Variants in LAP3 observed in about 807,000 individuals in gnomAD.
LAP3 encodes the protein leucine aminopeptidase 3.
LAP3 carries 46 observed loss-of-function variants against 58.8 expected under a neutral mutation model. The observed-to-expected ratio is 0.78, with a 90% CI of 0.62 to 1.00. The LOEUF (loss-of-function observed/expected upper bound fraction) is 1.00. LAP3 is among the 50% of genes least tolerant of loss of function. The probability of loss-of-function intolerance (pLI) is 0.00; values close to 1 mark genes in which losing one functional copy is unlikely to be tolerated. For synonymous variants in LAP3, 257 were observed against 237.7 expected (o/e 1.08, Z -0.75); for missense variants, 615 against 659.1 (o/e 0.93, Z 0.73).
At chr4:17,604,703 T>A (rs780863391) in intron 11 of LAP3, 36 bp downstream of exon 11, 3 of 1,432,852 alleles carry the variant, frequency 2.1e-6, no homozygotes, top group Non-Finnish European at 3.0e-6. Context: ...ATTGTAGAGA[T>A]GGTGAATAAA....
chr4:17,588,810 A>T lies in LAP3; in HGVS notation c.705-9A>T. The stretch of plus-strand genomic sequence containing the variant: ...GTATATTTACTTTTTCCCTCTTTCT[A>T]CCCTATAGACCCAAGTCTTGGATTG... On this transcript the variant is annotated splice_polypyrimidine_tract_variant and intron_variant, in intron 6 of 12. Coordinates refer to ENST00000226299, the MANE Select transcript of LAP3 (RefSeq NM_015907.3). The T allele has an allele frequency of 6.2e-7, 1 of 1,606,948 alleles. No homozygotes were observed. Among genetic ancestry groups the T allele is most frequent in the Admixed American group, 1.7e-5 (1 of 58,586 alleles).
rs1323299202 is a variant in LAP3 at position 17,582,217 on chromosome 4, TGTA to T, written c.274-69_274-67del. ...TGTGGGAGCTCAGTGAGTCTCCACA[TGTA>T]GAATTCCTTGCTGGAAATGAATGCT... On this transcript the variant is annotated intron_variant, in intron 3 of 12. Coordinates refer to ENST00000226299, the MANE Select transcript of LAP3 (RefSeq NM_015907.3). 14 of 1,233,796 alleles carry T rather than the reference TGTA, an allele frequency of 1.1e-5. No individual in the cohort carries two copies. The African/African-American group carries it at 1.5e-4, about 13-fold the overall frequency. 76.4% of individuals were successfully genotyped at this position (1,233,796 alleles called of 1,614,324 possible).
In LAP3 at chr4:17,582,315, C is replaced by T. The variant is rs1577218753; in HGVS notation, c.301C>T (p.Leu101Phe). ...QDFPSVVLVG[L>F]GKKAAGIDEQ... ...CTTCCCCAGCGTGGTGCTAGTTGGC[C>T]TCGGCAAAAAGGCAGCTGGAATCGA... is the stretch of plus-strand genomic sequence containing the variant. The change falls in exon 4 of 13, where the codon CTC (leucine) becomes TTC (phenylalanine). Residue 101 changes from leucine to phenylalanine, a missense_variant. Coordinates refer to ENST00000226299, the MANE Select transcript of LAP3 (RefSeq NM_015907.3). The T allele has an allele frequency of 1.4e-5, 22 of 1,614,100 alleles. No individual in the cohort carries two copies. In the East Asian group the frequency reaches 4.9e-4, roughly 36 times the overall value.
At chr4:17,583,282 C>A in intron 4 of LAP3, 1 of 611,692 alleles carries the variant, frequency 1.6e-6, no homozygotes, top group Non-Finnish European at 2.9e-6. Flanking sequence ...TCACCACCAC[C>A]TGGGAGTGAG....
intron 1 of LAP3, among the ~76,000 whole-genome samples, chr4:17,579,080 G>A (rs1699734902): frequency 1.3e-5 from 2 of 152,214 alleles, no homozygotes; most frequent in African/African-American, 4.8e-5. Flanking sequence ...GTCTGCAAGA[G>A]GAAAATGAAG....
At chr4:17,594,218 C>T (rs1340746910) in intron 7 of LAP3, among the ~76,000 whole-genome samples, 1 of 152,196 alleles carries the variant, frequency 6.6e-6, no homozygotes, top group Non-Finnish European at 1.5e-5. Context: ...GAGAGCAGAA[C>T]TTCCAGAAGA....
intron 11 of LAP3, 72 bp from the exon 12 acceptor site, chr4:17,606,757 G>A: frequency 1.1e-6 from 1 of 880,210 alleles, no homozygotes; most frequent in South Asian, 1.5e-5. Context: ...TTCATGCATT[G>A]AGCATGTTAA....
At chr4:17,591,742 C>T (rs1214676546) in intron 7 of LAP3, among the ~76,000 whole-genome samples, 1 of 152,076 alleles carries the variant, frequency 6.6e-6, no homozygotes, top group Non-Finnish European at 1.5e-5. Context: ...GGCAAGAGTA[C>T]CAGTGTGCCT....
chr4:17,583,056 T>G (rs1420553589), intron 4 of LAP3, among the ~76,000 whole-genome samples: 1 of 152,248 alleles, frequency 6.6e-6, no homozygotes, highest in Non-Finnish European at 1.5e-5. Context: ...CTGATCTTAA[T>G]AAAATGCTGT....
At chr4:17,588,771 A>G (rs1713596357) in intron 6 of LAP3, 48 bp from the exon 7 acceptor site, 2 of 1,526,790 alleles carry the variant, frequency 1.3e-6, no homozygotes, top group East Asian at 4.5e-5. Flanking sequence ...TGTTATTTTG[A>G]AATAAAGGTA....
intron 7 of LAP3, among the ~76,000 whole-genome samples, chr4:17,592,226 G>T (rs10008337): frequency 6.6e-6 from 1 of 151,986 alleles, no homozygotes; most frequent in African/African-American, 2.4e-5. Flanking sequence ...GTTCCCTTCT[G>T]CCTTTTTGTA....
At chr4:17,596,402 C>T (rs188061548) in intron 8 of LAP3, among the ~76,000 whole-genome samples, 1,771 of 152,080 alleles carry the variant, frequency 0.012, 39 homozygotes, top group African/African-American at 0.04. Flanking sequence ...TGCAATGGCG[C>T]GATCTTGGCT....
At chr4:17,606,800 C>G (rs761659028) in intron 11 of LAP3, 29 bp from the exon 12 acceptor site, 2 of 1,507,384 alleles carry the variant, frequency 1.3e-6, no homozygotes, top group South Asian at 1.2e-5. Context: ...GCCTCATCCA[C>G]TCTTCCACCT....
intron 3 of LAP3, 143 bp from the exon 4 acceptor site, chr4:17,582,145 C>A (rs1713380153): frequency 7.1e-6 from 5 of 702,222 alleles, no homozygotes; most frequent in Non-Finnish European, 1.2e-5. Context: ...AAGCCACAAC[C>A]AAATTTCACC....
Position 17,607,433 on chromosome 4 carries a change from G to A in LAP3, c.1404G>A (p.Leu468=). The change falls in exon 13 of 13, where the codon CTG becomes CTA. Residue 468 remains leucine, a synonymous_variant. Coordinates refer to ENST00000226299, the MANE Select transcript of LAP3 (RefSeq NM_015907.3). ...SAGACTAAAF[L]KEFVTHPKWA... ...GAGCATGTACAGCTGCAGCATTCCT[G>A]AAAGAATTCGTAACTCATCCTAAGT... 1.2e-6 allele frequency: 2 copies of A among 1,613,684 alleles called. No individual in the cohort carries two copies. Among genetic ancestry groups the A allele is most frequent in the Non-Finnish European group, 8.5e-7 (1 of 1,179,938 alleles).
rs377350983 is a variant in LAP3 at position 17,595,495 on chromosome 4, G to A, written c.949G>A (p.Val317Met). ...GGAATICSAI[V>M]SAAKLNLPIN... is the part of the protein sequence containing the mutation. ...AGCTGCAACTATATGCTCAGCCATC[G>A]TGTCTGCTGCAAAGCTTAATTTGCC... The change falls in exon 8 of 13, where the codon GTG becomes ATG. Residue 317 changes from valine to methionine, a missense_variant. Transcript: ENST00000226299. The A allele has an allele frequency of 7.7e-5, 124 of 1,613,908 alleles. No homozygotes were observed. The highest frequency in any genetic ancestry group is 8.9e-5 in the Non-Finnish European group (105 of 1,179,970).
In LAP3 at chr4:17,588,963, A is replaced by T. The variant is rs1348100016; in HGVS notation, c.849A>T (p.Gly283=). The T allele has an allele frequency of 1.1e-5, 18 of 1,614,018 alleles. No individual in the cohort carries two copies. The highest frequency in any genetic ancestry group is 1.5e-5 in the Non-Finnish European group (18 of 1,179,972). ...NEPPLVFVGK[G]ITFDSGGISI... ...CACCCCTGGTGTTTGTTGGGAAAGG[A>T]ATTACCTTTGACAGGTATTTTTTAT... Residue 283 remains glycine, a synonymous_variant, in exon 7 of 13, where the codon GGA becomes GGT. Transcript: ENST00000226299.
Position 17,607,788 on chromosome 4 carries a change from G to C in LAP3, c.*199G>C, listed in dbSNP as rs1206216270. On this transcript the variant is annotated 3_prime_UTR_variant, in exon 13 of 13. Transcript: ENST00000226299. ...TAAAGGTAAAGTTAATATCTTACTT[G>C]ATAAGGATTTTTAAGATACTCTATA... 13 of 462,350 alleles carry C rather than the reference G, an allele frequency of 2.8e-5. No homozygotes were observed. The highest frequency in any genetic ancestry group is 8.8e-5 in the South Asian group (2 of 22,854). The allele number at this position is 462,350 out of a possible 1,614,324, so 28.6% of individuals were successfully genotyped here. A position where few individuals can be genotyped will look rare whatever the true frequency, so the allele number is the denominator to read the frequency against.
At chr4:17,586,591 T>C (rs1385573963) in intron 6 of LAP3, among the ~76,000 whole-genome samples, 1 of 152,104 alleles carries the variant, frequency 6.6e-6, no homozygotes, top group East Asian at 1.9e-4. Flanking sequence ...GTGAGGATGT[T>C]GTAAGAAGGA....
Sources: allele counts gnomAD v4.1 joint callset (sites outside exome capture counted in the v4.1 genomes callset), GRCh38; gene constraint gnomAD v4.1.1; transcripts MANE v1.5; gene names NCBI Gene and HGNC (gene_info 2026-07-23, HGNC 2026-07-21).